RABGAP1L: variants seen among roughly 807,000 people sequenced by gnomAD.
RABGAP1L encodes rab GTPase-activating protein 1-like.
In RABGAP1L, 63 loss-of-function variants were observed where a neutral mutation model predicts 137.7. The ratio of observed to expected loss-of-function variants is 0.46; its 90% confidence interval spans 0.37 to 0.56. The LOEUF (loss-of-function observed/expected upper bound fraction) is 0.56. Ranked by LOEUF, RABGAP1L falls within the 20% of genes least tolerant of loss-of-function variation. RABGAP1L has a pLI of 0.00. For synonymous variants in RABGAP1L, 431 were observed against 433.7 expected (o/e 0.99, Z 0.08); for missense variants, 1,095 against 1,244.0 (o/e 0.88, Z 1.80).
chr1:174,944,342 G>A (rs1573944380), intron 19 of RABGAP1L, among the ~76,000 whole-genome samples: 1 of 149,686 alleles, frequency 6.7e-6, no homozygotes, highest in African/African-American at 2.5e-5. Context: ...AAAAGTTGAT[G>A]TATAAAAATA....
chr1:174,835,072 C>T (rs1406998689), intron 19 of RABGAP1L, among the ~76,000 whole-genome samples: 1 of 152,126 alleles, frequency 6.6e-6, no homozygotes, highest in Admixed American at 6.6e-5. Context: ...ATTAAAGATA[C>T]ATTTTGAAGG....
chr1:174,541,949 G>C (rs1229922202), intron 13 of RABGAP1L, among the ~76,000 whole-genome samples: 1 of 152,234 alleles, frequency 6.6e-6, no homozygotes, highest in Non-Finnish European at 1.5e-5. Context: ...AAGCCAACTT[G>C]ATCGTGGTGG....
chr1:174,815,205 A>C (rs1374576672), intron 19 of RABGAP1L, among the ~76,000 whole-genome samples: 3 of 152,198 alleles, frequency 2.0e-5, no homozygotes, highest in South Asian at 4.1e-4. Flanking sequence ...TGTTACAATG[A>C]ATAATGGAAG....
intron 4 of RABGAP1L, among the ~76,000 whole-genome samples, chr1:174,232,543 G>C (rs1217773446): frequency 6.6e-6 from 1 of 151,626 alleles, no homozygotes; most frequent in Non-Finnish European, 1.5e-5. Context: ...CAGCACTTTG[G>C]AAGGCCGAGG....
intron 18 of RABGAP1L, among the ~76,000 whole-genome samples, chr1:174,767,748 A>G (rs1037833811): frequency 1.3e-5 from 2 of 152,116 alleles, no homozygotes; most frequent in Non-Finnish European, 2.9e-5. Flanking sequence ...ATGTCATTGT[A>G]TTAGTATGTT....
At chr1:174,433,739 T>TA (rs1355987164) in intron 13 of RABGAP1L, among the ~76,000 whole-genome samples, 1 of 152,218 alleles carries the variant, frequency 6.6e-6, no homozygotes, top group African/African-American at 2.4e-5. Flanking sequence ...GACATTTTAG[T>TA]AGCTCTCATT....
chr1:174,649,979 A>G (rs561323253), intron 14 of RABGAP1L, among the ~76,000 whole-genome samples: 2 of 152,238 alleles, frequency 1.3e-5, no homozygotes, highest in African/African-American at 2.4e-5. Context: ...TGTGTCATAG[A>G]TAGCTCTTAT....
intron 13 of RABGAP1L, among the ~76,000 whole-genome samples, chr1:174,590,179 T>C (rs1161755929): frequency 7.5e-6 from 1 of 134,010 alleles, no homozygotes; most frequent in Non-Finnish European, 1.6e-5. Flanking sequence ...CTTTTATTTA[T>C]AAATTACCAT....
intron 19 of RABGAP1L, among the ~76,000 whole-genome samples, chr1:174,940,111 G>A (rs1665609933): frequency 2.0e-5 from 3 of 152,156 alleles, no homozygotes. Context: ...TATTACATGA[G>A]TGACATAGAC....
At position 174,637,462 on chromosome 1, in the gene RABGAP1L, C is replaced by G; in HGVS notation, c.1798C>G (p.Gln600Glu). Reference sequence around the variant, plus strand: ...CTTTAAAGATACTGGAGGAGATGGTCAAGAATCGCTCTATAAGATCTGCAA... The same window carrying G: ...CTTTAAAGATACTGGAGGAGATGGTGAAGAATCGCTCTATAAGATCTGCAA... ...DYFKDTGGDG[Q>E]ESLYKICKAY... Residue 600 changes from glutamine to glutamate, a missense_variant, in exon 14 of 26, where the codon CAA (glutamine) becomes GAA (glutamate). Around this residue, in one of 4 missense-constraint regions of RABGAP1L, gnomAD observed 315 missense variants for 324.8 expected, o/e 0.97. Transcript: ENST00000681986. The G allele has an allele frequency of 1.2e-6, 2 of 1,608,650 alleles. No individual in the cohort carries two copies. Among genetic ancestry groups the G allele is most frequent in the South Asian group, 1.1e-5 (1 of 90,924 alleles).
chr1:174,468,962 T>A (rs1407800111), intron 13 of RABGAP1L, among the ~76,000 whole-genome samples: 2 of 152,222 alleles, frequency 1.3e-5, no homozygotes, highest in Non-Finnish European at 2.9e-5. Flanking sequence ...TTCAGAGTTT[T>A]GCTTGAATAT....
At chr1:174,887,872 CA>C (rs1268956979) in intron 19 of RABGAP1L, among the ~76,000 whole-genome samples, 1 of 151,712 alleles carries the variant, frequency 6.6e-6, no homozygotes, top group Non-Finnish European at 1.5e-5. Flanking sequence ...CAATCTCTAC[CA>C]AAAAAATACA....
intron 4 of RABGAP1L, among the ~76,000 whole-genome samples, chr1:174,232,458 C>G (rs1045247632): frequency 6.7e-6 from 1 of 148,612 alleles, no homozygotes; most frequent in Non-Finnish European, 1.5e-5. Flanking sequence ...GCACTCCAGT[C>G]TGGGTGACAG....
intron 11 of RABGAP1L, among the ~76,000 whole-genome samples, chr1:174,312,766 T>A (rs571155524): frequency 3.3e-5 from 5 of 152,196 alleles, no homozygotes; most frequent in Non-Finnish European, 7.3e-5. Flanking sequence ...CCGTTTTGTT[T>A]TGATTTTTGT....
chr1:174,889,244 C>T (rs1227684295), intron 19 of RABGAP1L, among the ~76,000 whole-genome samples: 1 of 151,932 alleles, frequency 6.6e-6, no homozygotes, highest in Non-Finnish European at 1.5e-5. Context: ...CTGCCTCAGC[C>T]TCCTGGGTAG....
At chr1:174,194,159 T>C (rs1667404712) in intron 1 of RABGAP1L, among the ~76,000 whole-genome samples, 1 of 152,122 alleles carries the variant, frequency 6.6e-6, no homozygotes, top group African/African-American at 2.4e-5. Flanking sequence ...CAGTCAGTCA[T>C]AACCATTCTC....
At chr1:174,506,272 G>A (rs770855087) in intron 13 of RABGAP1L, among the ~76,000 whole-genome samples, 8 of 152,256 alleles carry the variant, frequency 5.3e-5, no homozygotes, top group Middle Eastern at 3.4e-3. Context: ...ATTGCTAAGT[G>A]TATATTTGAT....
chr1:174,693,074 G>A (rs1201751754), intron 15 of RABGAP1L, among the ~76,000 whole-genome samples: 1 of 152,146 alleles, frequency 6.6e-6, no homozygotes, highest in East Asian at 1.9e-4. Flanking sequence ...TTGAATATAG[G>A]TTCTTGTAGA....
chr1:174,833,466 A>ATATATATAGATATATATATATATATAT lies in RABGAP1L; in HGVS notation c.2340+21508_2340+21509insTATATAGATATATATATATATATATTA, dbSNP rs71117580. 3.3e-5 allele frequency among the ~76,000 whole-genome samples: 2 copies of ATATATATAGATATATATATATATATAT among 61,120 alleles called. 1 individual carries two copies. The highest frequency in any genetic ancestry group is 8.1e-5 in the Non-Finnish European group (2 of 24,664). 40.1% of individuals were successfully genotyped at this position (61,120 alleles called of 152,430 possible). A position where few individuals can be genotyped will look rare whatever the true frequency, so the allele number is the denominator to read the frequency against. On this transcript the variant is annotated intron_variant, in intron 19 of 25. Transcript: ENST00000681986. ...TGTGTAGAGATATATATATATATAT[A>ATATATATAGATATATATATATATATAT]TAGTAGAGACAGGGTTCTGTCATGT...
Sources: gnomAD v4.1 joint callset for allele counts (sites outside exome capture counted in the v4.1 genomes callset) on GRCh38, gnomAD v4.1.1 for gene constraint, gnomAD v4.1.1 regional missense constraint, MANE v1.5 for transcripts, NCBI Gene and HGNC (gene_info 2026-07-23, HGNC 2026-07-21) for gene names.